Variants in PHC2 observed in about 807,000 individuals in gnomAD.
PHC2 encodes polyhomeotic homolog 2, also known as polyhomeotic-like protein 2.
A neutral mutation model predicts 87.4 loss-of-function variants in PHC2; 29 were observed. That is an observed-to-expected ratio of 0.33 (90% CI 0.25 to 0.45). The LOEUF (loss-of-function observed/expected upper bound fraction) is 0.45. Ranked by LOEUF, PHC2 falls within the 20% of genes least tolerant of loss-of-function variation. The probability of loss-of-function intolerance (pLI) is 1.00; values close to 1 mark genes in which losing one functional copy is unlikely to be tolerated. For missense variants in PHC2, 857 were observed against 1,136.7 expected (o/e 0.75, Z 3.54); for synonymous variants, 438 against 461.7 (o/e 0.95, Z 0.66).
chr1:33,334,402 A>G lies in PHC2; in HGVS notation c.1559-110T>C. Reference sequence around the variant, plus strand: ...GCGCCCGGCTTTTACCGTGGGGCCAAGCGACAATGCAAACCAAGCAGTCCC... The same window carrying G: ...GCGCCCGGCTTTTACCGTGGGGCCAGGCGACAATGCAAACCAAGCAGTCCC... On this transcript the variant is annotated intron_variant, in intron 9 of 14. Transcript: ENST00000683057. The surrounding 1 kb of genome is among the most constrained non-coding windows in gnomAD (Gnocchi z 5.5). 1 of 928,898 alleles carries G rather than the reference A, an allele frequency of 1.1e-6. No individual in the cohort carries two copies. Among genetic ancestry groups the G allele is most frequent in the East Asian group, 2.6e-5 (1 of 38,950 alleles). 57.5% of individuals were successfully genotyped at this position (928,898 alleles called of 1,614,324 possible). A position where few individuals can be genotyped will look rare whatever the true frequency, so the allele number is the denominator to read the frequency against.
chr1:33,392,852 G>C (rs1448582160), intron 1 of PHC2: 1 of 152,116 alleles, frequency 6.6e-6, no homozygotes, highest in Non-Finnish European at 1.5e-5. Flanking sequence ...TTGTTACCTA[G>C]CAACAGCCAA....
At chr1:33,352,203 A>C (rs1294173439) in intron 9 of PHC2, among the ~76,000 whole-genome samples, 1 of 152,206 alleles carries the variant, frequency 6.6e-6, no homozygotes, top group Non-Finnish European at 1.5e-5. Context: ...GTTGATTACC[A>C]CTGTTGCGGA....
chr1:33,393,637 G>A (rs1296864610), intron 1 of PHC2, among the ~76,000 whole-genome samples: 1 of 37,382 alleles, frequency 2.7e-5, no homozygotes, highest in Non-Finnish European at 5.1e-5. Flanking sequence ...GAGTGAGCAG[G>A]CTAGGCTTCA....
intron 7 of PHC2, among the ~76,000 whole-genome samples, chr1:33,361,343 GTTTT>G (rs1043287085): frequency 1.3e-5 from 2 of 151,980 alleles, no homozygotes; most frequent in African/African-American, 4.8e-5. Flanking sequence ...GAAGGTTTTT[GTTTT>G]TTGTTTTTTT....
intron 9 of PHC2, among the ~76,000 whole-genome samples, chr1:33,350,089 C>T (rs1212233450): frequency 2.0e-5 from 3 of 151,812 alleles, no homozygotes; most frequent in African/African-American, 7.2e-5. Flanking sequence ...GGGAGGCGGG[C>T]GCCACGCCAC....
chr1:33,390,818 C>A (rs1011173163), intron 1 of PHC2, among the ~76,000 whole-genome samples: 2 of 151,636 alleles, frequency 1.3e-5, no homozygotes, highest in African/African-American at 4.9e-5. Context: ...AAATACTATT[C>A]TTAGTTTGAG....
At chr1:33,410,526 T>C (rs573904277) in intron 1 of PHC2, among the ~76,000 whole-genome samples, 43 of 152,338 alleles carry the variant, frequency 2.8e-4, no homozygotes, top group African/African-American at 9.6e-4. Context: ...CTGGGAAATG[T>C]AGCTTTGCAA....
intron 7 of PHC2, among the ~76,000 whole-genome samples, chr1:33,356,898 G>A (rs569781974): frequency 3.0e-4 from 45 of 152,274 alleles, no homozygotes; most frequent in African/African-American, 1.0e-3. Flanking sequence ...CCTCCCAGAC[G>A]GGGCGGCGGC....
rs745344171 is a variant in PHC2 at position 33,354,579 on chromosome 1, A to G, written c.1393-13T>C. The G allele has an allele frequency of 6.2e-7, 1 of 1,606,742 alleles. No individual in the cohort carries two copies. On this transcript the variant is annotated splice_polypyrimidine_tract_variant and intron_variant, in intron 8 of 14. Coordinates refer to ENST00000683057, the MANE Select transcript of PHC2 (RefSeq NM_001385109.1). ...CACACTGCTGGGGCTGTCAAAGGAC[A>G]GGACAGAGAGGGGGGCCTCTCAGAA...
rs543038571 is a variant in PHC2 at position 33,382,001 on chromosome 1, G to C, written c.-54-6408C>G. On this transcript the variant is annotated intron_variant, in intron 1 of 14. Transcript: ENST00000683057. The surrounding 1 kb of genome is among the most constrained non-coding windows in gnomAD (Gnocchi z 4.3). ...AGGCACCTCAGGAAACCTCCTGCCC[G>C]CATGGTGGTGGTGACTTATCAACGA... is the stretch of plus-strand genomic sequence containing the variant. 3.3e-5 allele frequency among the ~76,000 whole-genome samples: 5 copies of C among 151,956 alleles called. No individual in the cohort carries two copies. Among genetic ancestry groups the C allele is most frequent in the Admixed American group, 1.3e-4 (2 of 15,260 alleles).
chr1:33,325,240 C>G (rs1173176551), intron 14 of PHC2: 1 of 539,246 alleles, frequency 1.9e-6, no homozygotes, highest in Non-Finnish European at 3.3e-6. Flanking sequence ...TCCTATGTTC[C>G]CCTGTTCAGA....
intron 1 of PHC2, among the ~76,000 whole-genome samples, chr1:33,377,840 A>G (rs575873705): frequency 6.6e-6 from 1 of 152,190 alleles, no homozygotes; most frequent in Non-Finnish European, 1.5e-5. Flanking sequence ...GACTGGGGGA[A>G]TTTCACTGTG....
At chr1:33,335,991 TTGTTG>T (rs1427411782) in intron 9 of PHC2, among the ~76,000 whole-genome samples, 2 of 113,102 alleles carry the variant, frequency 1.8e-5, no homozygotes, top group Non-Finnish European at 3.6e-5. Context: ...GTTGTTGTTG[TTGTTG>T]TTTTTTTTTT....
chr1:33,420,169 A>G (rs995870738), intron 1 of PHC2, among the ~76,000 whole-genome samples: 5 of 152,220 alleles, frequency 3.3e-5, no homozygotes, highest in Non-Finnish European at 7.3e-5. Context: ...AGCTCTCTCT[A>G]CAACAAACCT....
At position 33,332,840 on chromosome 1, in the gene PHC2, T is replaced by C. The variant is rs1343357840; in HGVS notation, c.1762-436A>G. ...CTGATTTTTTTACTGTTCTCCACCT[T>C]ACCCCAATGCCTGACCCAAGCCAGA... On this transcript the variant is annotated intron_variant, in intron 10 of 14. Transcript: ENST00000683057. This position sits in a 1 kb window ranked among gnomAD's most constrained non-coding sequence, Gnocchi z 4.2. 6.6e-6 allele frequency among the ~76,000 whole-genome samples: 1 copy of C among 152,096 alleles called. No homozygotes were observed. Among genetic ancestry groups the C allele is most frequent in the African/African-American group, 2.4e-5 (1 of 41,418 alleles).
chr1:33,405,259 TG>T (rs1278843459), intron 1 of PHC2, among the ~76,000 whole-genome samples: 1 of 151,892 alleles, frequency 6.6e-6, no homozygotes, highest in African/African-American at 2.4e-5. Context: ...GGCGCAATCT[TG>T]GCTCGCTGCA....
intron 1 of PHC2, among the ~76,000 whole-genome samples, chr1:33,414,204 C>CAT (rs1001649270): frequency 2.0e-5 from 3 of 151,834 alleles, no homozygotes; most frequent in African/African-American, 7.3e-5. Context: ...CACACACACA[C>CAT]ACACACACAC....
At chr1:33,396,216 G>GT (rs1649288578) in intron 1 of PHC2, among the ~76,000 whole-genome samples, 1 of 152,158 alleles carries the variant, frequency 6.6e-6, no homozygotes. Context: ...AGAGCCTGCT[G>GT]TTTTCTATAG....
chr1:33,355,718 G>A lies in PHC2; in HGVS notation c.977-465C>T, dbSNP rs530150169. Among the ~76,000 whole-genome samples the A allele has an allele frequency of 1.4e-3, 211 of 152,296 alleles. 1 individual carries two copies. The highest frequency in any genetic ancestry group is 0.012 in the Admixed American group (187 of 15,304). On this transcript the variant is annotated intron_variant, in intron 7 of 14. Transcript: ENST00000683057. ...ATCCAGCCTCTGGCTCTGCTCAGGC[G>A]AGGCCTTCTCCAGGAAGAGCCAGTA... is the stretch of plus-strand genomic sequence containing the variant.
Sources: gnomAD v4.1 joint callset for allele counts (sites outside exome capture counted in the v4.1 genomes callset) on GRCh38, gnomAD v4.1.1 for gene constraint, Gnocchi (gnomAD v3.1) non-coding constraint, MANE v1.5 for transcripts, NCBI Gene and HGNC (gene_info 2026-07-23, HGNC 2026-07-21) for gene names.